The following SLC12A1 variants were observed in gnomAD, a reference collection of about 807,000 sequenced individuals.
The protein encoded by SLC12A1 is solute carrier family 12 member 1, also known as Na-K-2Cl cotransporter.
In SLC12A1, 89 loss-of-function variants were observed where a neutral mutation model predicts 130.4. The observed-to-expected ratio is 0.68, with a 90% CI of 0.58 to 0.81. SLC12A1 has a LOEUF of 0.81. Ranked by LOEUF, SLC12A1 falls within the 40% of genes least tolerant of loss-of-function variation. SLC12A1 has a pLI of 0.00. For missense variants in SLC12A1, 1,310 were observed against 1,336.4 expected, an observed-to-expected ratio of 0.98 and a Z score of 0.31; for synonymous variants, 499 against 460.0, an observed-to-expected ratio of 1.08 and a Z score of -1.09.
chr15:48,280,262 T>C lies in SLC12A1; in HGVS notation c.2486-4844T>C, dbSNP rs2041997455. On this transcript the variant is annotated intron_variant, in intron 20 of 26. Transcript: ENST00000380993. ...AAATAATCACTCCAACTGGGTACCA[T>C]ATAATCGATTTATAAAGCACTTGAA... 2.6e-5 allele frequency among the ~76,000 whole-genome samples: 4 copies of C among 151,890 alleles called. No individual in the cohort carries two copies. The South Asian group carries it at 8.3e-4, about 31-fold the overall frequency.
rs140641086 is a variant in SLC12A1, at chr15:48,242,662, C to T, written c.1300+1063C>T. Among the ~76,000 whole-genome samples the T allele has an allele frequency of 8.9e-3, 1,360 of 152,116 alleles. 21 individuals are homozygous for T. Among genetic ancestry groups the T allele is most frequent in the African/African-American group, 0.03 (1,257 of 41,500 alleles). On this transcript the variant is annotated intron_variant, in intron 10 of 26. Transcript: ENST00000380993. ...TACAAAAAATAAAAAATTAGCCGGGCGTGGCGGCACACACCTATGATCCCA... is the reference window on the plus strand; with the variant it reads ...TACAAAAAATAAAAAATTAGCCGGGTGTGGCGGCACACACCTATGATCCCA...
chr15:48,229,420 T>A, intron 6 of SLC12A1, 92 bp downstream of exon 6: 1 of 1,317,024 alleles, frequency 7.6e-7, no homozygotes, highest in Non-Finnish European at 1.0e-6. Context: ...TACAGCTAAA[T>A]GAGAGGAAAA....
At position 48,220,657 on chromosome 15, in the gene SLC12A1, A is replaced by G. The variant is rs1461642436; in HGVS notation, c.444A>G (p.Ser148=). 3.1e-6 allele frequency: 5 copies of G among 1,613,410 alleles called. No homozygotes were observed. The African/African-American group carries it at 5.3e-5, about 17-fold the overall frequency. ...LAKNVAVTPS[S]ADRVANGDGI... is the part of the protein sequence containing the mutation. ...AGAATGTGGCAGTCACCCCAAGTTC[A>G]GCTGACAGAGTTGCTAACGGTGATG... Residue 148 remains serine, a synonymous_variant, in exon 3 of 27, where the codon TCA becomes TCG. Coordinates refer to ENST00000380993, the MANE Select transcript of SLC12A1 (RefSeq NM_000338.3).
chr15:48,231,055 C>T (rs2041370322), intron 7 of SLC12A1, among the ~76,000 whole-genome samples: 1 of 152,292 alleles, frequency 6.6e-6, no homozygotes, highest in South Asian at 2.1e-4. Context: ...GTAATTCCCT[C>T]AAGTGACTGG....
intron 24 of SLC12A1, among the ~76,000 whole-genome samples, chr15:48,292,448 T>C (rs2042131678): frequency 6.6e-6 from 1 of 152,108 alleles, no homozygotes. Context: ...AAAATAAAAG[T>C]AATCATTTAA....
chr15:48,255,178 G>T (rs1258494942), intron 15 of SLC12A1, among the ~76,000 whole-genome samples: 1 of 152,176 alleles, frequency 6.6e-6, no homozygotes, highest in African/African-American at 2.4e-5. Context: ...GGTGGCTCAC[G>T]CCTGTAATCC....
chr15:48,238,811 G>C (rs376403767), intron 9 of SLC12A1, among the ~76,000 whole-genome samples: 1 of 152,134 alleles, frequency 6.6e-6, no homozygotes, highest in East Asian at 1.9e-4. Flanking sequence ...AGACACAAAG[G>C]CATGTTACAA....
At position 48,263,176 on chromosome 15, in the gene SLC12A1, AT is replaced by A. The variant is rs1025774895; in HGVS notation, c.2154+3872del. On this transcript the variant is annotated intron_variant, in intron 17 of 26. Coordinates refer to ENST00000380993, the MANE Select transcript of SLC12A1 (RefSeq NM_000338.3). Reference sequence around the variant, plus strand: ...CTCAATTTTACATTTAAAAATAGGAATTTTTTTATTAAAATGAATAAACAGA... The same window carrying A: ...CTCAATTTTACATTTAAAAATAGGAATTTTTTATTAAAATGAATAAACAGA... Among the ~76,000 whole-genome samples the A allele has an allele frequency of 7.9e-5, 12 of 152,284 alleles. No individual in the cohort carries two copies. In the South Asian group the frequency reaches 8.3e-4, roughly 11 times the overall value.
chr15:48,268,986 C>A (rs972955629), intron 18 of SLC12A1, among the ~76,000 whole-genome samples: 3 of 152,082 alleles, frequency 2.0e-5, no homozygotes, highest in African/African-American at 7.2e-5. Context: ...AATTTCTTCA[C>A]ATAAAAAGTG....
chr15:48,230,370 C>T (rs1162518109), intron 6 of SLC12A1, 23 bp from the exon 7 acceptor site: 3 of 1,454,194 alleles, frequency 2.1e-6, no homozygotes, highest in East Asian at 4.6e-5. Context: ...TATCTCTAAG[C>T]ACTTAATAAT....
chr15:48,238,201 G>A (rs897599351), intron 9 of SLC12A1, among the ~76,000 whole-genome samples: 14 of 152,148 alleles, frequency 9.2e-5, no homozygotes, highest in African/African-American at 1.9e-4. Flanking sequence ...GTAACCTGTC[G>A]AATTGATTCC....
At chr15:48,277,122 G>A (rs2041961596) in intron 20 of SLC12A1, among the ~76,000 whole-genome samples, 1 of 152,056 alleles carries the variant, frequency 6.6e-6, no homozygotes, top group Non-Finnish European at 1.5e-5. Context: ...AGATTGAGCA[G>A]GCTTACTGTG....
Position 48,220,647 on chromosome 15 carries a change from C to T in SLC12A1, c.434C>T (p.Thr145Ile). Reference protein sequence around the residue: ...HEQLAKNVAVTPSSADRVANG... With the variant: ...HEQLAKNVAVIPSSADRVANG... ...TATAAAATGCAGAATGTGGCAGTCA[C>T]CCCAAGTTCAGCTGACAGAGTTGCT... is the stretch of plus-strand genomic sequence containing the variant. Residue 145 changes from threonine to isoleucine, a missense_variant, in exon 3 of 27, where the codon ACC becomes ATC. Transcript: ENST00000380993. The T allele has an allele frequency of 1.2e-5, 19 of 1,613,228 alleles. No homozygotes were observed. Among genetic ancestry groups the T allele is most frequent in the Non-Finnish European group, 1.6e-5 (19 of 1,179,546 alleles).
intron 4 of SLC12A1, chr15:48,223,756 A>T (rs2041246636): frequency 1.3e-5 from 2 of 152,232 alleles, no homozygotes; most frequent in Admixed American, 1.3e-4. Context: ...GAAGCCACAT[A>T]GTGATACAGA....
intron 23 of SLC12A1, among the ~76,000 whole-genome samples, chr15:48,291,512 T>C (rs1000267470): frequency 5.9e-5 from 9 of 152,216 alleles, no homozygotes; most frequent in African/African-American, 1.9e-4. Flanking sequence ...CTGTTCCCTG[T>C]GACATAAATG....
chr15:48,259,409 A>C (rs758302978), intron 17 of SLC12A1, 98 bp downstream of exon 17: 2 of 860,544 alleles, frequency 2.3e-6, no homozygotes, highest in Non-Finnish European at 4.0e-6. Context: ...ACAGGAAAAT[A>C]GCAAAAAAAC....
chr15:48,280,683 A>T (rs146845437), intron 20 of SLC12A1, among the ~76,000 whole-genome samples: 313 of 152,136 alleles, frequency 2.1e-3, no homozygotes, highest in African/African-American at 6.9e-3. Context: ...TCCAGGGAAA[A>T]GTCCCCTCTC....
At chr15:48,248,294 G>C (rs1422503000) in intron 13 of SLC12A1, among the ~76,000 whole-genome samples, 1 of 152,136 alleles carries the variant, frequency 6.6e-6, no homozygotes, top group East Asian at 1.9e-4. Context: ...CTGAAGAGGG[G>C]AATTTGTAAC....
At chr15:48,254,919 G>A (rs1264918343) in intron 15 of SLC12A1, among the ~76,000 whole-genome samples, 1 of 151,218 alleles carries the variant, frequency 6.6e-6, no homozygotes, top group Non-Finnish European at 1.5e-5. Context: ...GCCAGACTCC[G>A]TCTCAAACAA....
Sources: gnomAD v4.1 joint callset for allele counts (sites outside exome capture counted in the v4.1 genomes callset) on GRCh38, gnomAD v4.1.1 for gene constraint, MANE v1.5 for transcripts, NCBI Gene and HGNC (gene_info 2026-07-23, HGNC 2026-07-21) for gene names.